LRRC9: variants seen among roughly 807,000 people sequenced by gnomAD.
LRRC9 encodes leucine rich repeat containing 9, also known as leucine-rich repeat-containing protein 9.
LRRC9 carries 122 observed loss-of-function variants against 63.2 expected under a neutral mutation model. That is an observed-to-expected ratio of 1.93 (90% CI 1.67 to 2.24). The LOEUF (loss-of-function observed/expected upper bound fraction) is 2.24. Ranked by LOEUF, LRRC9 falls within the 30% of genes most tolerant of loss-of-function variation. LRRC9 has a pLI of 0.00. For missense variants in LRRC9, 1,071 were observed against 627.7 expected (o/e 1.71, Z -7.55); for synonymous variants, 366 against 213.1 (o/e 1.72, Z -6.25).
At chr14:60,044,918 G>C (rs1893278625) in intron 29 of LRRC9, among the ~76,000 whole-genome samples, 1 of 152,108 alleles carries the variant, frequency 6.6e-6, no homozygotes. Context: ...GTTGCAGTCT[G>C]TCTCTTTCTT....
chr14:60,001,970 C>G, exon 20 of LRRC9: 1 of 649,978 alleles, frequency 1.5e-6, no homozygotes, highest in South Asian at 1.7e-5. Flanking sequence ...TATTAGTTAT[C>G]TCTCTTACGG....
At chr14:59,945,519 T>C (rs1882275188) in intron 8 of LRRC9, among the ~76,000 whole-genome samples, 2 of 151,850 alleles carry the variant, frequency 1.3e-5, no homozygotes, top group African/African-American at 4.8e-5. Flanking sequence ...AATAAATATA[T>C]AGATGGATAT....
At chr14:60,020,198 A>T (rs1053215245) in intron 26 of LRRC9, among the ~76,000 whole-genome samples, 2 of 151,876 alleles carry the variant, frequency 1.3e-5, no homozygotes, top group African/African-American at 4.8e-5. Context: ...TATAATTGGA[A>T]TTATGTAGTA....
At chr14:60,012,936 TTTTATTTA>T (rs141284376) in intron 23 of LRRC9, among the ~76,000 whole-genome samples, 35 of 149,482 alleles carry the variant, frequency 2.3e-4, no homozygotes, top group East Asian at 3.9e-4. Context: ...TTTTGTACAA[TTTTATTTA>T]TTTATTTATT....
At chr14:59,995,906 C>A (rs550314214) in intron 17 of LRRC9, among the ~76,000 whole-genome samples, 34 of 152,192 alleles carry the variant, frequency 2.2e-4, no homozygotes, top group African/African-American at 7.0e-4. Flanking sequence ...CGATGCCCAG[C>A]TAATTTTTGT....
At chr14:60,045,566 C>CT (rs1893350919) in intron 29 of LRRC9, among the ~76,000 whole-genome samples, 1 of 152,130 alleles carries the variant, frequency 6.6e-6, no homozygotes, top group Admixed American at 6.5e-5. Context: ...AGGATAATGG[C>CT]TTCCGGCTCT....
rs1409197644 is a variant in LRRC9, at chr14:59,964,380, G to A, written c.1212-2209G>A. ...CTCCACCACATAAGTGGTTTTGTTTGTTCTGTTTCCTTCACCCAGAATGCT... is the reference window on the plus strand; with the variant it reads ...CTCCACCACATAAGTGGTTTTGTTTATTCTGTTTCCTTCACCCAGAATGCT... On this transcript the variant is annotated intron_variant, in intron 10 of 31. Transcript: ENST00000445360. The surrounding 1 kb of genome is among the most constrained non-coding windows in gnomAD (Gnocchi z 4.4). 2.0e-5 allele frequency among the ~76,000 whole-genome samples: 3 copies of A among 152,120 alleles called. No individual in the cohort carries two copies. Among genetic ancestry groups the A allele is most frequent in the African/African-American group, 7.2e-5 (3 of 41,438 alleles).
At chr14:59,999,106 C>A (rs959081347) in exon 19 of LRRC9, 4 of 655,678 alleles carry the variant, frequency 6.1e-6, no homozygotes, top group Non-Finnish European at 1.1e-5. Flanking sequence ...CCAAGCCAGC[C>A]ACATTGAGGC....
rs529073914 is a variant in LRRC9 at position 60,042,291 on chromosome 14, G to A, written c.3990+10228G>A. On this transcript the variant is annotated intron_variant, in intron 29 of 31. Transcript: ENST00000445360. The surrounding 1 kb of genome is among the most constrained non-coding windows in gnomAD (Gnocchi z 4.2). ...CTCTTCAAAGCTGTCAGATAGGGAC[G>A]TTTAAGTCTGCAGAAGTTTCTGCTG... Among the ~76,000 whole-genome samples, 4 of 152,300 alleles carry A rather than the reference G, an allele frequency of 2.6e-5. No homozygotes were observed. The highest frequency in any genetic ancestry group is 4.8e-5 in the African/African-American group (2 of 41,578).
intron 29 of LRRC9, among the ~76,000 whole-genome samples, chr14:60,052,480 A>G (rs1263102861): frequency 6.6e-6 from 1 of 152,234 alleles, no homozygotes; most frequent in East Asian, 1.9e-4. Flanking sequence ...AATGAGGTGC[A>G]GCATAAATCA....
rs186680826 is a variant in LRRC9, at chr14:59,963,538, C to T, written c.1211+2493C>T. Among the ~76,000 whole-genome samples, 91 of 151,312 alleles carry T rather than the reference C, an allele frequency of 6.0e-4. 2 individuals are homozygous for T. The East Asian group carries it at 8.5e-3, about 14-fold the overall frequency. ...AAAAAAAAAAAACACCTTTAAAATA[C>T]GACAAAACAATATATAAGTGACTCT... On this transcript the variant is annotated intron_variant, in intron 10 of 31. Coordinates refer to ENST00000445360, the Ensembl canonical transcript of LRRC9.
chr14:60,031,184 T>G lies in LRRC9; in HGVS notation c.3922-811T>G, dbSNP rs1279624867. 6.6e-6 allele frequency among the ~76,000 whole-genome samples: 1 copy of G among 152,046 alleles called. No homozygotes were observed. The highest frequency in any genetic ancestry group is 1.5e-5 in the Non-Finnish European group (1 of 67,944). ...TTTTCAAAGCCCTCATTTATGATAC[T>G]TCCAAAATTAAAATAGTAAAGATCA... On this transcript the variant is annotated intron_variant, in intron 28 of 31. Coordinates refer to ENST00000445360, the Ensembl canonical transcript of LRRC9. This position sits in a 1 kb window ranked among gnomAD's most constrained non-coding sequence, Gnocchi z 4.6.
At chr14:59,993,611 G>C (rs1308923551) in intron 17 of LRRC9, among the ~76,000 whole-genome samples, 1 of 152,170 alleles carries the variant, frequency 6.6e-6, no homozygotes, top group Non-Finnish European at 1.5e-5. Context: ...TAAAGGGAGG[G>C]AGGAAGATCT....
At position 59,919,769 on chromosome 14, in the gene LRRC9, C is replaced by T. The variant is rs1888600939; in HGVS notation, c.-148C>T. The T allele has an allele frequency of 6.6e-6, 1 of 152,420 alleles. No homozygotes were observed. Among genetic ancestry groups the T allele is most frequent in the Non-Finnish European group, 1.5e-5 (1 of 68,206 alleles). 9.4% of individuals were successfully genotyped at this position (152,420 alleles called of 1,614,324 possible). A position where few individuals can be genotyped will look rare whatever the true frequency, so the allele number is the denominator to read the frequency against. On this transcript the variant is annotated 5_prime_UTR_variant, in exon 1 of 32. Coordinates refer to ENST00000445360, the Ensembl canonical transcript of LRRC9. The surrounding 1 kb of genome is among the most constrained non-coding windows in gnomAD (Gnocchi z 4.5). ...CAGAGAGGCTCCGCGCTTCCAGGAC[C>T]CGAGAGCTAAAGATAATGAATGGGA...
At position 60,010,287 on chromosome 14, in the gene LRRC9, T is replaced by C. The variant is rs112396090; in HGVS notation, c.3186+2073T>C. On this transcript the variant is annotated intron_variant, in intron 23 of 31. Coordinates refer to ENST00000445360, the Ensembl canonical transcript of LRRC9. ...CCCAAACCTCAATTCTTGACTTCTGTGTACCCACAGGACCAACACCATGTC... is the reference window on the plus strand; with the variant it reads ...CCCAAACCTCAATTCTTGACTTCTGCGTACCCACAGGACCAACACCATGTC... Among the ~76,000 whole-genome samples the C allele has an allele frequency of 2.9e-3, 448 of 152,308 alleles. 3 individuals carry two copies. The highest frequency in any genetic ancestry group is 0.01 in the African/African-American group (430 of 41,574).
chr14:59,965,674 G>A (rs772588702), intron 10 of LRRC9, among the ~76,000 whole-genome samples: 1 of 151,868 alleles, frequency 6.6e-6, no homozygotes, highest in Non-Finnish European at 1.5e-5. Context: ...ACGAGGTCAG[G>A]AGATTGAGAC....
intron 18 of LRRC9, among the ~76,000 whole-genome samples, chr14:59,998,803 A>G (rs74989052): frequency 0.02 from 3,086 of 152,158 alleles, 114 homozygotes; most frequent in East Asian, 0.16. Flanking sequence ...CTTACTGCTG[A>G]TCTAGATAAA....
In LRRC9 at chr14:59,943,979, A is replaced by G. The variant is rs538623544; in HGVS notation, c.727-610A>G. On this transcript the variant is annotated intron_variant, in intron 7 of 31. Coordinates refer to ENST00000445360, the Ensembl canonical transcript of LRRC9. ...TTAACTAACATAACTCTCAAACACCATTTAGCTGTTGCATATCTTAATTAT... is the reference window on the plus strand; with the variant it reads ...TTAACTAACATAACTCTCAAACACCGTTTAGCTGTTGCATATCTTAATTAT... Among the ~76,000 whole-genome samples, 161 of 152,076 alleles carry G rather than the reference A, an allele frequency of 1.1e-3. 1 individual carries two copies. The highest frequency in any genetic ancestry group is 2.3e-3 in the South Asian group (11 of 4,830).
intron 12 of LRRC9, among the ~76,000 whole-genome samples, chr14:59,968,549 G>A (rs1168091024): frequency 6.6e-6 from 1 of 152,206 alleles, no homozygotes; most frequent in Non-Finnish European, 1.5e-5. Context: ...ATGTAGGGGA[G>A]CTATTGCAGC....
Sources: gnomAD v4.1 joint callset for allele counts (sites outside exome capture counted in the v4.1 genomes callset) on GRCh38, gnomAD v4.1.1 for gene constraint, Gnocchi (gnomAD v3.1) non-coding constraint, MANE v1.5 for transcripts, NCBI Gene and HGNC (gene_info 2026-07-23, HGNC 2026-07-21) for gene names.